ANKRD18A: variants seen among roughly 807,000 people sequenced by gnomAD.
The protein encoded by ANKRD18A is ankyrin repeat domain-containing protein 18A.
A neutral mutation model predicts 110.6 loss-of-function variants in ANKRD18A; 72 were observed. The observed-to-expected ratio is 0.65, with a 90% confidence interval of 0.54 to 0.79. The LOEUF (loss-of-function observed/expected upper bound fraction) is 0.79, where lower values mean the gene tolerates loss of function less well. Among genes scored for constraint, ANKRD18A ranks in the 30% least tolerant of loss-of-function variants. The pLI is 0.00. For synonymous variants in ANKRD18A, 305 were observed against 410.3 expected (o/e 0.74, Z 3.10); for missense variants, 934 against 1,163.3 (o/e 0.80, Z 2.87).
downstream of ANKRD18A, chr9:38,569,186 G>A: frequency 9.1e-6 from 9 of 984,052 alleles, no homozygotes; most frequent in Non-Finnish European, 1.1e-5. Flanking sequence ...CTGGTGACAG[G>A]GCCATGATGG....
chr9:38,603,919 G>A (rs1464635588), intron 6 of ANKRD18A, among the ~76,000 whole-genome samples: 3 of 152,150 alleles, frequency 2.0e-5, no homozygotes, highest in African/African-American at 7.2e-5. Flanking sequence ...AAACATAAGT[G>A]ATTATTCTAA....
intron 7 of ANKRD18A, among the ~76,000 whole-genome samples, chr9:38,601,730 C>T (rs1451040936): frequency 6.6e-6 from 1 of 152,084 alleles, no homozygotes. Context: ...GTAGCTCACA[C>T]CTGTAATCCC....
chr9:38,585,182 A>G (rs919642083), intron 12 of ANKRD18A, among the ~76,000 whole-genome samples: 2 of 152,158 alleles, frequency 1.3e-5, no homozygotes, highest in Non-Finnish European at 2.9e-5. Flanking sequence ...CTGAAAAGAT[A>G]TATTTACCCT....
At chr9:38,589,740 G>A (rs867480321) in intron 10 of ANKRD18A, among the ~76,000 whole-genome samples, 8 of 152,122 alleles carry the variant, frequency 5.3e-5, no homozygotes, top group Admixed American at 3.9e-4. Flanking sequence ...CACAATGTTG[G>A]CCATGCTGGT....
In ANKRD18A at chr9:38,571,727, G is replaced by A. The variant is rs1823650796; in HGVS notation, c.*318C>T. The A allele has an allele frequency of 6.7e-6, 7 of 1,051,484 alleles. No individual in the cohort carries two copies. Among genetic ancestry groups the A allele is most frequent in the Non-Finnish European group, 8.0e-6 (7 of 873,060 alleles). 65.1% of individuals were successfully genotyped at this position (1,051,484 alleles called of 1,614,324 possible). A position where few individuals can be genotyped will look rare whatever the true frequency, so the allele number is the denominator to read the frequency against. ...GGCTGTTTAAACAGCTGACATTCAG[G>A]CAATTTGAGTAGGCCAAACTCAATA... On this transcript the variant is annotated 3_prime_UTR_variant, in exon 16 of 16. Transcript: ENST00000399703.
chr9:38,589,185 C>A (rs1824523047), intron 10 of ANKRD18A, among the ~76,000 whole-genome samples: 1 of 152,146 alleles, frequency 6.6e-6, no homozygotes, highest in Admixed American at 6.5e-5. Flanking sequence ...TTAACCATTT[C>A]TCTTTAAACA....
chr9:38,587,319 T>C (rs1824428874), intron 11 of ANKRD18A, among the ~76,000 whole-genome samples: 1 of 152,082 alleles, frequency 6.6e-6, no homozygotes, highest in South Asian at 2.1e-4. Context: ...GAAAACCAAC[T>C]TAAGTGCTCA....
chr9:38,569,530 C>T, downstream of ANKRD18A: 1 of 859,426 alleles, frequency 1.2e-6, no homozygotes, highest in Non-Finnish European at 1.4e-6. Flanking sequence ...GGGGACTCAG[C>T]AAGAGTGACA....
intron 9 of ANKRD18A, among the ~76,000 whole-genome samples, chr9:38,594,212 C>T (rs548556980): frequency 5.3e-5 from 8 of 152,184 alleles, no homozygotes; most frequent in East Asian, 3.9e-4. Flanking sequence ...ATCCTTCCAA[C>T]GGATTCCTAC....
intron 1 of ANKRD18A, among the ~76,000 whole-genome samples, chr9:38,619,644 G>C (rs1312269764): frequency 6.6e-6 from 1 of 152,130 alleles, no homozygotes. Context: ...TGAGAAAACT[G>C]AGTCTTCCCA....
At chr9:38,585,986 A>T (rs1459328317) in intron 12 of ANKRD18A, among the ~76,000 whole-genome samples, 197 bp downstream of exon 12, 1 of 152,164 alleles carries the variant, frequency 6.6e-6, no homozygotes, top group Admixed American at 6.5e-5. Flanking sequence ...GGAAGGGAAC[A>T]ACAAACACCG....
intron 9 of ANKRD18A, among the ~76,000 whole-genome samples, chr9:38,594,799 A>G (rs1383822754): frequency 6.6e-6 from 1 of 152,224 alleles, no homozygotes; most frequent in Admixed American, 6.6e-5. Flanking sequence ...GTGTCAAAGC[A>G]GCTCACTTAA....
Position 38,571,396 on chromosome 9 carries a change from G to T in ANKRD18A, c.*649C>A. The T allele has an allele frequency of 1.5e-6, 1 of 676,304 alleles. No individual in the cohort carries two copies. Among genetic ancestry groups the T allele is most frequent in the Non-Finnish European group, 2.1e-6 (1 of 474,852 alleles). The allele number at this position is 676,304 out of a possible 1,614,324, so 41.9% of individuals were successfully genotyped here. On this transcript the variant is annotated 3_prime_UTR_variant, in exon 16 of 16. Transcript: ENST00000399703. Reference sequence around the variant, plus strand: ...TTATTTATTGGTTTTATTTCTCCATGTAGAACAAAGAAGAAAATAAGAAAA... The same window carrying T: ...TTATTTATTGGTTTTATTTCTCCATTTAGAACAAAGAAGAAAATAAGAAAA...
At chr9:38,617,163 C>T (rs1229682534) in intron 1 of ANKRD18A, among the ~76,000 whole-genome samples, 7 of 152,228 alleles carry the variant, frequency 4.6e-5, no homozygotes, top group East Asian at 3.9e-4. Context: ...GGAAGCTGGC[C>T]GGGCCCAGTG....
chr9:38,590,929 C>A (rs1324609079), intron 10 of ANKRD18A, among the ~76,000 whole-genome samples: 1 of 152,098 alleles, frequency 6.6e-6, no homozygotes, highest in Non-Finnish European at 1.5e-5. Flanking sequence ...TAATTCTATG[C>A]CTGATGTCTA....
chr9:38,583,044 GATA>G (rs1824229189), intron 12 of ANKRD18A, among the ~76,000 whole-genome samples: 1 of 152,188 alleles, frequency 6.6e-6, no homozygotes, highest in Non-Finnish European at 1.5e-5. Context: ...TATAAAGACG[GATA>G]ATAAGCACAT....
chr9:38,580,282 C>T (rs1824100537), intron 12 of ANKRD18A, among the ~76,000 whole-genome samples: 1 of 152,182 alleles, frequency 6.6e-6, no homozygotes. Context: ...CGCCCATAAT[C>T]CTAGCTGCTC....
In ANKRD18A at chr9:38,614,451, A is replaced by G. The variant is rs553351383; in HGVS notation, c.495+1143T>C. ...GAACATGCCACAGTGCATGGCTTCA[A>G]GAAAATATTTTTAACCATACATGTT... On this transcript the variant is annotated intron_variant, in intron 3 of 15. Transcript: ENST00000399703. Among the ~76,000 whole-genome samples the G allele has an allele frequency of 1.9e-3, 289 of 152,218 alleles. 2 individuals carry two copies. The highest frequency in any genetic ancestry group is 6.6e-3 in the African/African-American group (274 of 41,508).
chr9:38,610,602 A>G (rs1192894704), intron 4 of ANKRD18A, among the ~76,000 whole-genome samples, 192 bp from the exon 5 acceptor site: 1 of 152,170 alleles, frequency 6.6e-6, no homozygotes, highest in Non-Finnish European at 1.5e-5. Context: ...ACCAAGGCTA[A>G]AAGGCAGGGA....
Sources: allele counts gnomAD v4.1 joint callset (sites outside exome capture counted in the v4.1 genomes callset), GRCh38; gene constraint gnomAD v4.1.1; transcripts MANE v1.5; gene names NCBI Gene and HGNC (gene_info 2026-07-23, HGNC 2026-07-21).